PDGFD: variants seen among roughly 807,000 people sequenced by gnomAD.
PDGFD encodes platelet-derived growth factor D.
In PDGFD, 30 loss-of-function variants were observed where a neutral mutation model predicts 44.7. The ratio of observed to expected loss-of-function variants is 0.67; its 90% confidence interval spans 0.50 to 0.91. The LOEUF (loss-of-function observed/expected upper bound fraction) is 0.91, where lower values mean the gene tolerates loss of function less well. Ranked by LOEUF, PDGFD falls within the 40% of genes least tolerant of loss-of-function variation. The pLI is 0.00. For missense variants in PDGFD, 445 were observed against 457.8 expected (o/e 0.97, Z 0.25); for synonymous variants, 173 against 168.4 (o/e 1.03, Z -0.21).
At chr11:103,978,654 T>C (rs1233282517) in intron 3 of PDGFD, among the ~76,000 whole-genome samples, 4 of 152,060 alleles carry the variant, frequency 2.6e-5, no homozygotes, top group African/African-American at 9.7e-5. Context: ...TTTAATCCTA[T>C]GGCATGCTTG....
At chr11:103,920,408 TGG>T (rs1306677708) in intron 6 of PDGFD, among the ~76,000 whole-genome samples, 4 of 152,212 alleles carry the variant, frequency 2.6e-5, no homozygotes, top group Admixed American at 2.0e-4. Flanking sequence ...GAAAACATAA[TGG>T]AAAGCCTGGG....
chr11:103,978,230 G>C (rs969133909), intron 3 of PDGFD, among the ~76,000 whole-genome samples: 22 of 152,078 alleles, frequency 1.4e-4, no homozygotes, highest in African/African-American at 5.1e-4. Context: ...ATGAAACCCA[G>C]TTTGCTGAGG....
chr11:104,152,415 T>G (rs910656983), intron 1 of PDGFD, among the ~76,000 whole-genome samples: 3 of 152,168 alleles, frequency 2.0e-5, no homozygotes, highest in African/African-American at 4.8e-5. Context: ...TAACATGTAG[T>G]GTAAACATAT....
intron 1 of PDGFD, 132 bp from the exon 2 acceptor site, chr11:104,000,387 T>G: frequency 1.3e-6 from 1 of 774,384 alleles, no homozygotes. Flanking sequence ...TAAGTCTAAA[T>G]GCAAATAAAC....
At chr11:104,109,327 T>G (rs1861516968) in intron 1 of PDGFD, among the ~76,000 whole-genome samples, 1 of 152,174 alleles carries the variant, frequency 6.6e-6, no homozygotes, top group Non-Finnish European at 1.5e-5. Context: ...TTTCTTTACT[T>G]TTCTAAGCCT....
chr11:103,918,118 G>A (rs76538211), intron 6 of PDGFD, among the ~76,000 whole-genome samples: 9,556 of 152,274 alleles, frequency 0.063, 353 homozygotes, highest in South Asian at 0.091. Context: ...TTGGCAGGGG[G>A]TGGAGGAAGG....
At chr11:104,037,113 T>G in intron 1 of PDGFD, 1 of 1,614,128 alleles carries the variant, frequency 6.2e-7, no homozygotes, top group Non-Finnish European at 8.5e-7. Flanking sequence ...TAGACTTCAG[T>G]GGCATTGCGG....
chr11:103,924,787 C>T (rs930473620), intron 6 of PDGFD, among the ~76,000 whole-genome samples: 4 of 152,096 alleles, frequency 2.6e-5, no homozygotes, highest in Non-Finnish European at 5.9e-5. Context: ...GAGAGAACTA[C>T]CTATTCCTTT....
At chr11:104,103,907 A>G (rs998542405) in intron 1 of PDGFD, among the ~76,000 whole-genome samples, 3 of 152,014 alleles carry the variant, frequency 2.0e-5, no homozygotes, top group African/African-American at 7.3e-5. Context: ...TTTAAAGTTA[A>G]CTGTAAAACA....
chr11:104,139,174 T>C (rs1237560946), intron 1 of PDGFD, among the ~76,000 whole-genome samples: 1 of 152,162 alleles, frequency 6.6e-6, no homozygotes, highest in Non-Finnish European at 1.5e-5. Flanking sequence ...TAATGTAGAA[T>C]TGTATTATTT....
intron 5 of PDGFD, among the ~76,000 whole-genome samples, chr11:103,936,552 T>C (rs1858490163): frequency 6.6e-6 from 1 of 152,206 alleles, no homozygotes; most frequent in Non-Finnish European, 1.5e-5. Flanking sequence ...TTTATTTCAT[T>C]TATTTCTCAG....
chr11:103,967,352 G>A (rs1339963209), intron 3 of PDGFD, among the ~76,000 whole-genome samples: 1 of 152,112 alleles, frequency 6.6e-6, no homozygotes. Context: ...TCCTTGGTTT[G>A]CAGCCCTTTG....
intron 1 of PDGFD, among the ~76,000 whole-genome samples, chr11:104,127,799 G>A (rs1219808152): frequency 6.6e-6 from 1 of 152,094 alleles, no homozygotes; most frequent in African/African-American, 2.4e-5. Flanking sequence ...GATAAGTAAG[G>A]TAACACCCAG....
intron 5 of PDGFD, among the ~76,000 whole-genome samples, chr11:103,942,011 T>C (rs988969494): frequency 3.9e-5 from 6 of 152,130 alleles, no homozygotes; most frequent in Admixed American, 3.3e-4. Context: ...GATCTGCACA[T>C]GGCATATCTC....
intron 1 of PDGFD, among the ~76,000 whole-genome samples, chr11:104,102,804 C>T (rs1861410704): frequency 6.6e-6 from 1 of 152,108 alleles, no homozygotes; most frequent in African/African-American, 2.4e-5. Context: ...TGGAAACCAT[C>T]ATTCTCAGCA....
intron 1 of PDGFD, among the ~76,000 whole-genome samples, chr11:104,005,004 G>A (rs546567531): frequency 2.0e-4 from 30 of 146,492 alleles, no homozygotes; most frequent in South Asian, 6.8e-4. Context: ...TCAGCCTCCC[G>A]AGTAGCTGGG....
At chr11:103,993,395 TCATA>T (rs1859489857) in intron 3 of PDGFD, among the ~76,000 whole-genome samples, 1 of 151,460 alleles carries the variant, frequency 6.6e-6, no homozygotes, top group Non-Finnish European at 1.5e-5. Flanking sequence ...ATCTTAAGGC[TCATA>T]TTTTTCTTGC....
chr11:104,006,604 A>G (rs1315331998), intron 1 of PDGFD, among the ~76,000 whole-genome samples: 1 of 150,704 alleles, frequency 6.6e-6, no homozygotes, highest in Non-Finnish European at 1.5e-5. Flanking sequence ...TCCTGTACCC[A>G]TAATAACTCC....
chr11:104,154,754 C>A (rs1862283939), intron 1 of PDGFD, among the ~76,000 whole-genome samples: 1 of 152,082 alleles, frequency 6.6e-6, no homozygotes, highest in Non-Finnish European at 1.5e-5. Flanking sequence ...AAAAGAGGTA[C>A]CAAGAGCACA....
Sources: gnomAD v4.1 joint callset for allele counts (sites outside exome capture counted in the v4.1 genomes callset) on GRCh38, gnomAD v4.1.1 for gene constraint, MANE v1.5 for transcripts, NCBI Gene and HGNC (gene_info 2026-07-23, HGNC 2026-07-21) for gene names.